Variants in RNLS observed in about 807,000 individuals in gnomAD.
The protein encoded by RNLS is renalase.
In RNLS, 39 loss-of-function variants were observed where a neutral mutation model predicts 39.8. The observed-to-expected ratio is 0.98, with a 90% CI of 0.76 to 1.28. RNLS has a LOEUF of 1.28. Among genes scored for constraint, RNLS ranks in the 50% most tolerant of loss-of-function variants. RNLS has a pLI of 0.00. For synonymous variants in RNLS, 147 were observed against 150.7 expected (o/e 0.98, Z 0.18); for missense variants, 410 against 413.3 (o/e 0.99, Z 0.07).
chr10:88,387,073 G>A (rs757864132), intron 4 of RNLS, among the ~76,000 whole-genome samples: 6 of 152,108 alleles, frequency 3.9e-5, no homozygotes, highest in Non-Finnish European at 8.8e-5. Context: ...TAAAACATTT[G>A]CTTCAATATT....
chr10:88,521,178 A>G (rs186957210), intron 4 of RNLS, among the ~76,000 whole-genome samples: 139 of 152,080 alleles, frequency 9.1e-4, no homozygotes, highest in African/African-American at 3.2e-3. Context: ...CCATGATAAA[A>G]TGTAGGTGAT....
At chr10:88,431,010 C>T (rs1362771423) in intron 4 of RNLS, among the ~76,000 whole-genome samples, 1 of 151,438 alleles carries the variant, frequency 6.6e-6, no homozygotes, top group Non-Finnish European at 1.5e-5. Flanking sequence ...GAAAGTATTG[C>T]CTCTAGTACT....
At chr10:88,218,461 C>A in the RNLS span, among the ~76,000 whole-genome samples, 1 of 152,230 alleles carries the variant, frequency 6.6e-6, no homozygotes, top group Non-Finnish European at 1.5e-5. Context: ...ATTCTCCAGG[C>A]CCCTCCTAGG....
chr10:88,309,960 C>T (rs1187292095), intron 6 of RNLS, among the ~76,000 whole-genome samples: 1 of 152,128 alleles, frequency 6.6e-6, no homozygotes, highest in Admixed American at 6.5e-5. Flanking sequence ...TACTTATAAT[C>T]CTAGCATTTT....
chr10:88,453,242 G>T (rs2153855), intron 4 of RNLS, among the ~76,000 whole-genome samples: 24,251 of 152,148 alleles, frequency 0.16, 2,202 homozygotes, highest in Middle Eastern at 0.26. Flanking sequence ...ACCTCCAGCT[G>T]CAGGAAGTTT....
At chr10:88,203,452 GTGTGTATATATATATATATATATA>G in the RNLS span, among the ~76,000 whole-genome samples, 10 of 580 alleles carry the variant, frequency 0.017, no homozygotes, top group South Asian at 0.062. Flanking sequence ...GTGTGTGTGT[GTGTGTATATATATATATATATATA>G]TATATATATA....
chr10:88,548,118 T>C (rs994865062), intron 4 of RNLS, among the ~76,000 whole-genome samples: 13 of 150,420 alleles, frequency 8.6e-5, no homozygotes, highest in African/African-American at 3.2e-4. Flanking sequence ...AAAAATTAGC[T>C]GGGCATGGTG....
intron 4 of RNLS, among the ~76,000 whole-genome samples, chr10:88,518,488 A>T (rs1398611333): frequency 6.6e-6 from 1 of 152,012 alleles, no homozygotes; most frequent in Non-Finnish European, 1.5e-5. Flanking sequence ...TGTCATTTAC[A>T]TTTGTGACAT....
chr10:88,382,152 C>T (rs1851560312), intron 4 of RNLS, among the ~76,000 whole-genome samples: 1 of 152,012 alleles, frequency 6.6e-6, no homozygotes, highest in African/African-American at 2.4e-5. Flanking sequence ...TTTTACATGC[C>T]ACGTTGTACT....
intron 4 of RNLS, among the ~76,000 whole-genome samples, chr10:88,560,710 T>C (rs1039695688): frequency 2.6e-5 from 4 of 151,836 alleles, no homozygotes; most frequent in African/African-American, 9.7e-5. Context: ...AGGGCAAAGC[T>C]CTGCTGGTAG....
rs554366942 is a variant in RNLS at position 88,330,110 on chromosome 10, C to T, written c.701-15469G>A. Among the ~76,000 whole-genome samples the T allele has an allele frequency of 4.2e-3, 613 of 146,632 alleles. 5 individuals are homozygous for T. The highest frequency in any genetic ancestry group is 5.5e-3 in the Non-Finnish European group (368 of 67,012). ...ATATATAAATATAAATATATATACA[C>T]ACACTATATATATACACACACACAC... is the stretch of plus-strand genomic sequence containing the variant. On this transcript the variant is annotated intron_variant, in intron 5 of 6. Coordinates refer to ENST00000331772, the MANE Select transcript of RNLS (RefSeq NM_001031709.3).
intron 4 of RNLS, among the ~76,000 whole-genome samples, chr10:88,461,094 G>T (rs1842911564): frequency 6.6e-6 from 1 of 152,046 alleles, no homozygotes; most frequent in Non-Finnish European, 1.5e-5. Context: ...TCCTTTTCAG[G>T]GAGCTTCTGA....
At chr10:88,469,949 TTATACA>T (rs1190244509) in intron 4 of RNLS, among the ~76,000 whole-genome samples, 2 of 151,504 alleles carry the variant, frequency 1.3e-5, no homozygotes, top group African/African-American at 2.4e-5. Flanking sequence ...ATATAGTATC[TTATACA>T]TATACATATG....
chr10:88,174,058 T>C, the RNLS span, among the ~76,000 whole-genome samples: 1 of 152,148 alleles, frequency 6.6e-6, no homozygotes, highest in Admixed American at 6.6e-5. Flanking sequence ...GCTAGTTCAT[T>C]ATTGGTATTA....
chr10:88,411,139 G>A (rs1206050197), intron 4 of RNLS, among the ~76,000 whole-genome samples: 1 of 152,088 alleles, frequency 6.6e-6, no homozygotes, highest in Non-Finnish European at 1.5e-5. Flanking sequence ...TCACTGCACA[G>A]TCAATTAGCC....
chr10:88,180,877 G>A, the RNLS span, among the ~76,000 whole-genome samples: 1 of 152,052 alleles, frequency 6.6e-6, no homozygotes, highest in African/African-American at 2.4e-5. Context: ...TTTCAATGTG[G>A]TATTTTACTT....
chr10:88,524,956 C>CATATATATAT (rs748723170), intron 4 of RNLS, among the ~76,000 whole-genome samples: 1 of 76,282 alleles, frequency 1.3e-5, no homozygotes, highest in Non-Finnish European at 2.6e-5. Context: ...ATGGCACACA[C>CATATATATAT]ATACATATAT....
intron 4 of RNLS, among the ~76,000 whole-genome samples, chr10:88,507,844 C>T (rs572754546): frequency 1.3e-5 from 2 of 152,256 alleles, no homozygotes; most frequent in East Asian, 1.9e-4. Flanking sequence ...CCACTTATTA[C>T]AGCCACAAGC....
At chr10:88,512,016 A>T (rs1846146108) in intron 4 of RNLS, among the ~76,000 whole-genome samples, 1 of 152,200 alleles carries the variant, frequency 6.6e-6, no homozygotes, top group Non-Finnish European at 1.5e-5. Context: ...ATAAATAACA[A>T]TGTAAAATCA....
Sources: gnomAD v4.1 joint callset for allele counts (sites outside exome capture counted in the v4.1 genomes callset) on GRCh38, gnomAD v4.1.1 for gene constraint, MANE v1.5 for transcripts, NCBI Gene and HGNC (gene_info 2026-07-23, HGNC 2026-07-21) for gene names.